Variants in GSE1 observed in about 807,000 individuals in gnomAD.
GSE1 encodes the protein genetic suppressor element 1.
A neutral mutation model predicts 112.6 loss-of-function variants in GSE1; 32 were observed. That is an observed-to-expected ratio of 0.28 (90% CI 0.21 to 0.38). The LOEUF is 0.38. GSE1 is among the 10% of genes least tolerant of loss of function. The pLI, the probability that GSE1 is intolerant of heterozygous loss-of-function variation, is 1.00. For synonymous variants in GSE1, 1,115 were observed against 735.6 expected (o/e 1.52, Z -8.35); for missense variants, 2,348 against 1,699.2 (o/e 1.38, Z -6.71).
At position 85,661,573 on chromosome 16, in the gene GSE1, C is replaced by T. The variant is rs139200739; in HGVS notation, c.2068C>T (p.Arg690Trp). 3.9e-5 allele frequency: 63 copies of T among 1,610,448 alleles called. No homozygotes were observed. The highest frequency in any genetic ancestry group is 9.3e-5 in the African/African-American group (7 of 74,904). The stretch of plus-strand genomic sequence containing the variant: ...CACCCAGACCATCCTGGGCCAGCAG[C>T]GGGCCTCCCTCCCACAGGCGGCCAC... Reference protein sequence around the residue: ...KSTQTILGQQRASLPQAATFG... With the variant: ...KSTQTILGQQWASLPQAATFG... The change falls in exon 9 of 16, where the codon CGG becomes TGG. Residue 690 changes from arginine (R) to tryptophan (W), a missense_variant. Transcript: ENST00000253458.
intron 1 of GSE1, among the ~76,000 whole-genome samples, chr16:85,299,458 C>T (rs1243072040): frequency 6.6e-6 from 1 of 152,244 alleles, no homozygotes; most frequent in African/African-American, 2.4e-5. Flanking sequence ...CCACCAAGCC[C>T]ACTTCTGCCA....
At chr16:85,588,348 C>G (rs1055439692) in intron 1 of GSE1, among the ~76,000 whole-genome samples, 8 of 152,236 alleles carry the variant, frequency 5.3e-5, no homozygotes, top group East Asian at 3.8e-4. Context: ...ACTGGCCCCC[C>G]CTTCCCCGCT....
At chr16:85,574,304 T>G (rs997424474) in intron 1 of GSE1, among the ~76,000 whole-genome samples, 1 of 152,218 alleles carries the variant, frequency 6.6e-6, no homozygotes. Flanking sequence ...ATCCCAGTGT[T>G]CATTATTCAG....
intron 2 of GSE1, among the ~76,000 whole-genome samples, chr16:85,524,895 G>A (rs141074630): frequency 4.6e-5 from 7 of 152,156 alleles, no homozygotes; most frequent in East Asian, 1.9e-4. Context: ...GGGATCTCCC[G>A]AGGCCCCCGA....
chr16:85,406,974 C>T (rs1464755345), intron 2 of GSE1, among the ~76,000 whole-genome samples: 1 of 17,300 alleles, frequency 5.8e-5, no homozygotes, highest in Non-Finnish European at 9.4e-5. Context: ...TCAGGCCCCC[C>T]GGATAATCCT....
chr16:85,388,247 G>A (rs1354178215), intron 2 of GSE1, among the ~76,000 whole-genome samples: 5 of 146,372 alleles, frequency 3.4e-5, no homozygotes, highest in Admixed American at 6.8e-5. Context: ...TGGATGGATG[G>A]ATGAATGGAT....
chr16:85,225,701 C>G (rs574815737), intron 1 of GSE1, among the ~76,000 whole-genome samples: 2 of 152,222 alleles, frequency 1.3e-5, no homozygotes, highest in Non-Finnish European at 2.9e-5. Context: ...CACAGAGAAT[C>G]TTGGTGTGGA....
At chr16:85,254,536 A>G (rs2144052567) in intron 1 of GSE1, among the ~76,000 whole-genome samples, 1 of 152,294 alleles carries the variant, frequency 6.6e-6, no homozygotes, top group Middle Eastern at 3.4e-3. Context: ...TCATCAATTG[A>G]GACAGGTGAC....
At chr16:85,333,363 G>A (rs957050490) in intron 1 of GSE1, among the ~76,000 whole-genome samples, 1 of 152,186 alleles carries the variant, frequency 6.6e-6, no homozygotes, top group Admixed American at 6.5e-5. Context: ...CCAGTATGAT[G>A]GAGCAACCCA....
intron 2 of GSE1, among the ~76,000 whole-genome samples, chr16:85,547,086 C>G (rs143011622): frequency 6.6e-6 from 1 of 152,282 alleles, no homozygotes; most frequent in Non-Finnish European, 1.5e-5. Context: ...CCTCAGGACA[C>G]TTTATCTCAA....
chr16:85,652,991 G>C (rs1455610135), intron 3 of GSE1, among the ~76,000 whole-genome samples: 1 of 151,578 alleles, frequency 6.6e-6, no homozygotes, highest in Non-Finnish European at 1.5e-5. Flanking sequence ...CTGCATCCCT[G>C]GGAAGCTCAG....
chr16:85,234,414 G>A (rs1350793160), intron 1 of GSE1, among the ~76,000 whole-genome samples: 1 of 152,160 alleles, frequency 6.6e-6, no homozygotes, highest in Non-Finnish European at 1.5e-5. Context: ...GAGTGAGTGA[G>A]CACAGGGACC....
intron 1 of GSE1, among the ~76,000 whole-genome samples, chr16:85,626,573 C>T (rs1034898834): frequency 6.6e-6 from 1 of 152,216 alleles, no homozygotes; most frequent in African/African-American, 2.4e-5. Flanking sequence ...AAGTGAAGGC[C>T]TGCTGGGCCC....
chr16:85,485,160 C>G (rs146292676), intron 2 of GSE1, among the ~76,000 whole-genome samples: 86 of 152,374 alleles, frequency 5.6e-4, no homozygotes, highest in Non-Finnish European at 8.2e-4. Context: ...AGCGTTCACG[C>G]CACCACACCT....
chr16:85,188,162 C>T (rs775463207), intron 1 of GSE1, among the ~76,000 whole-genome samples: 20 of 152,188 alleles, frequency 1.3e-4, no homozygotes, highest in Middle Eastern at 3.2e-3. Flanking sequence ...CTCAACACCC[C>T]GTGGGCTCCC....
intron 2 of GSE1, among the ~76,000 whole-genome samples, chr16:85,538,643 T>G (rs1040382219): frequency 6.6e-6 from 1 of 152,072 alleles, no homozygotes; most frequent in African/African-American, 2.4e-5. Flanking sequence ...CTTGCCACCT[T>G]CGGAGGCCCC....
intron 2 of GSE1, among the ~76,000 whole-genome samples, chr16:85,363,468 A>C (rs1441737503): frequency 2.0e-5 from 3 of 152,124 alleles, no homozygotes; most frequent in African/African-American, 4.8e-5. Flanking sequence ...CCAGGACTGG[A>C]CTTGCGTTCC....
chr16:85,365,176 G>A (rs557637787), intron 2 of GSE1, among the ~76,000 whole-genome samples: 2 of 152,212 alleles, frequency 1.3e-5, no homozygotes, highest in African/African-American at 2.4e-5. Context: ...TGGGGTCGGG[G>A]CTGTGTCTGA....
Position 85,356,907 on chromosome 16 carries a change from G to A in GSE1, c.2284-556G>A, listed in dbSNP as rs570824784. ...CTCAGGATCGCACCAGGTGCCCGGC[G>A]GCCCAGTCTGGAAGAGAGCATCCCC... On this transcript the variant is annotated intron_variant, in intron 1 of 2. Coordinates refer to the GSE1 transcript ENST00000637419. Among the ~76,000 whole-genome samples the A allele has an allele frequency of 3.0e-4, 45 of 152,312 alleles. No individual in the cohort carries two copies. The South Asian group carries it at 8.7e-3, about 29-fold the overall frequency.
Sources: allele counts gnomAD v4.1 joint callset (sites outside exome capture counted in the v4.1 genomes callset), GRCh38; gene constraint gnomAD v4.1.1; transcripts MANE v1.5; gene names NCBI Gene and HGNC (gene_info 2026-07-23, HGNC 2026-07-21).